SYNJ2: variants seen among roughly 807,000 people sequenced by gnomAD.
SYNJ2 encodes synaptojanin 2.
A neutral mutation model predicts 141.3 loss-of-function variants in SYNJ2; 116 were observed. The observed-to-expected ratio is 0.82, with a 90% CI of 0.71 to 0.96. The LOEUF is 0.96. Ranked by LOEUF, SYNJ2 falls within the 40% of genes least tolerant of loss-of-function variation. SYNJ2 has a pLI of 0.00. For synonymous variants in SYNJ2, 745 were observed against 777.7 expected, an observed-to-expected ratio of 0.96 and a Z score of 0.70; for missense variants, 1,873 against 1,934.8, an observed-to-expected ratio of 0.97 and a Z score of 0.60.
intron 5 of SYNJ2, among the ~76,000 whole-genome samples, chr6:158,051,624 G>A (rs189338086): frequency 4.7e-4 from 71 of 152,078 alleles, no homozygotes; most frequent in African/African-American, 1.7e-3. Flanking sequence ...GGACCAAAAG[G>A]GATTTGGGAC....
At chr6:158,020,010 G>C (rs945854269) in intron 2 of SYNJ2, among the ~76,000 whole-genome samples, 1 of 151,882 alleles carries the variant, frequency 6.6e-6, no homozygotes, top group Admixed American at 6.5e-5. Flanking sequence ...GCAGCACGGA[G>C]TGTAGCTACA....
Position 158,084,024 on chromosome 6 carries a change from G to A in SYNJ2, c.3058G>A (p.Asp1020Asn), listed in dbSNP as rs1197006449. The change falls in exon 22 of 27, where the codon GAC becomes AAC. Residue 1020 changes from aspartate to asparagine, a missense_variant. Physicochemically the swap from Asp to Asn is conservative, Grantham distance 23 (BLOSUM62 1). Coordinates refer to ENST00000355585, the MANE Select transcript of SYNJ2 (RefSeq NM_003898.4). This position sits in a 1 kb window ranked among gnomAD's most constrained non-coding sequence, Gnocchi z 5.0. ...SEGDILEDDE[D>N]YLVDEFNQPG... ...AGGGGATATTCTTGAAGACGATGAA[G>A]ACTACTTGGTGGATGAATTCAATCA... 2 of 1,614,138 alleles carry A rather than the reference G, an allele frequency of 1.2e-6. No individual in the cohort carries two copies.
intron 3 of SYNJ2, among the ~76,000 whole-genome samples, chr6:158,031,862 C>A (rs1470551884): frequency 1.3e-5 from 2 of 152,110 alleles, no homozygotes. Context: ...TAAGGGTTGT[C>A]CACTTGGCAA....
chr6:158,069,196 T>C (rs763522394), intron 13 of SYNJ2, among the ~76,000 whole-genome samples: 1 of 152,038 alleles, frequency 6.6e-6, no homozygotes, highest in Non-Finnish European at 1.5e-5. Context: ...TGATATGAAG[T>C]CAACTGGGCG....
rs533243031 is a variant in SYNJ2, at chr6:158,068,742, T to TGTGCGGGGCCAGGC, written c.1799+15_1799+28dup. 2.6e-4 allele frequency: 414 copies of TGTGCGGGGCCAGGC among 1,613,826 alleles called. 1 individual carries two copies. In the African/African-American group the frequency reaches 4.5e-3, roughly 17 times the overall value. ...TGTCAATGCCAGGTAAGGGGCCAGG[T>TGTGCGGGGCCAGGC]GTGCGGGGCCAGGCAGGGACTTCCT... On this transcript the variant is annotated intron_variant, in intron 13 of 26. Transcript: ENST00000355585.
Position 158,071,498 on chromosome 6 carries a change from C to G in SYNJ2, c.1941-104C>G. 3 of 1,347,498 alleles carry G rather than the reference C, an allele frequency of 2.2e-6. No individual in the cohort carries two copies. The highest frequency in any genetic ancestry group is 3.0e-6 in the Non-Finnish European group (3 of 990,536). 83.5% of individuals were successfully genotyped at this position (1,347,498 alleles called of 1,614,324 possible). A position where few individuals can be genotyped will look rare whatever the true frequency, so the allele number is the denominator to read the frequency against. ...GTTGAGCTGATGATTTTGGAGCACTCAGAGCAGCAGGTCCCGAGCTGCTGC... is the reference window on the plus strand; with the variant it reads ...GTTGAGCTGATGATTTTGGAGCACTGAGAGCAGCAGGTCCCGAGCTGCTGC... On this transcript the variant is annotated intron_variant, in intron 14 of 26. Coordinates refer to ENST00000355585, the MANE Select transcript of SYNJ2 (RefSeq NM_003898.4). This position sits in a 1 kb window ranked among gnomAD's most constrained non-coding sequence, Gnocchi z 4.3.
intron 24 of SYNJ2, 93 bp downstream of exon 24, chr6:158,088,865 C>G: frequency 3.4e-6 from 3 of 882,596 alleles, no homozygotes; most frequent in Middle Eastern, 4.8e-4. Context: ...ATTTATGTGT[C>G]TTTAACCCTC....
At chr6:158,000,064 CTTTTT>C (rs58284240) in intron 1 of SYNJ2, among the ~76,000 whole-genome samples, 3 of 85,570 alleles carry the variant, frequency 3.5e-5, no homozygotes, top group Non-Finnish European at 4.9e-5. Context: ...AGCCAAAAGG[CTTTTT>C]TTTTTTTTTT....
intron 16 of SYNJ2, among the ~76,000 whole-genome samples, chr6:158,075,536 G>A (rs1442953376): frequency 2.0e-5 from 3 of 151,854 alleles, no homozygotes; most frequent in Non-Finnish European, 2.9e-5. Context: ...AGCTACTCAG[G>A]AGACTGAGGC....
Position 158,070,487 on chromosome 6 carries a change from T to C in SYNJ2, c.1940+814T>C, listed in dbSNP as rs1222367056. On this transcript the variant is annotated intron_variant, in intron 14 of 26. Coordinates refer to ENST00000355585, the MANE Select transcript of SYNJ2 (RefSeq NM_003898.4). The surrounding 1 kb of genome is among the most constrained non-coding windows in gnomAD (Gnocchi z 4.0). The stretch of plus-strand genomic sequence containing the variant: ...GTGTTATTTGGGCAGCTTGGCAGTG[T>C]CCTAGGTTAGCAGGTGAAGGTTAGT... 1.2e-5 allele frequency: 12 copies of C among 985,470 alleles called. No individual in the cohort carries two copies. Among genetic ancestry groups the C allele is most frequent in the Non-Finnish European group, 1.2e-5 (10 of 830,038 alleles). 61.0% of individuals were successfully genotyped at this position (985,470 alleles called of 1,614,324 possible). A position where few individuals can be genotyped will look rare whatever the true frequency, so the allele number is the denominator to read the frequency against.
chr6:158,051,533 G>T (rs1332845244), intron 5 of SYNJ2, among the ~76,000 whole-genome samples: 1 of 152,078 alleles, frequency 6.6e-6, no homozygotes, highest in African/African-American at 2.4e-5. Flanking sequence ...GGTTTGGGGT[G>T]AGCCTTTCTT....
At position 158,047,774 on chromosome 6, in the gene SYNJ2, C is replaced by CAAAAAAAAAA; in HGVS notation, c.795+4397_795+4406dup. Among the ~76,000 whole-genome samples, 185 of 32,382 alleles carry CAAAAAAAAAA rather than the reference C, an allele frequency of 5.7e-3. 14 individuals carry two copies. The highest frequency in any genetic ancestry group is 0.042 in the Middle Eastern group (1 of 24). The allele number at this position is 32,382 out of a possible 152,430, so 21.2% of individuals were successfully genotyped here. ...CCTGGTCAACAGAGTGCGACTCTGT[C>CAAAAAAAAAA]AAAAAAAAAAAAAAAAAAAAAAAAA... On this transcript the variant is annotated intron_variant, in intron 5 of 26. Coordinates refer to ENST00000355585, the MANE Select transcript of SYNJ2 (RefSeq NM_003898.4).
At chr6:158,069,364 C>T (rs954195084) in intron 13 of SYNJ2, among the ~76,000 whole-genome samples, 169 bp from the exon 14 acceptor site, 1 of 152,262 alleles carries the variant, frequency 6.6e-6, no homozygotes, top group East Asian at 1.9e-4. Flanking sequence ...TAGCCAAAAA[C>T]ACGCAGATCC....
chr6:158,097,168 C>T lies in SYNJ2; in HGVS notation c.*804C>T, dbSNP rs563202336. 45 of 152,382 alleles carry T rather than the reference C, an allele frequency of 3.0e-4. No homozygotes were observed. The highest frequency in any genetic ancestry group is 1.0e-3 in the African/African-American group (42 of 41,580). 9.4% of individuals were successfully genotyped at this position (152,382 alleles called of 1,614,324 possible). On this transcript the variant is annotated 3_prime_UTR_variant, in exon 27 of 27. Coordinates refer to ENST00000355585, the MANE Select transcript of SYNJ2 (RefSeq NM_003898.4). ...GAAACCTCACGGATCCTTTGTTCCG[C>T]TTATATTCCATGCATACCACATAAA...
intron 4 of SYNJ2, among the ~76,000 whole-genome samples, chr6:158,034,008 A>G (rs920534262): frequency 1.3e-5 from 2 of 152,236 alleles, no homozygotes; most frequent in African/African-American, 4.8e-5. Flanking sequence ...AGATGAACAA[A>G]TAGGGTTTGA....
chr6:158,017,355 G>GAAGGGGC, intron 2 of SYNJ2, 65 bp downstream of exon 2: 1 of 1,538,410 alleles, frequency 6.5e-7, no homozygotes, highest in Non-Finnish European at 8.7e-7. Context: ...CTCTGTGTCG[G>GAAGGGGC]AAGGGGCCTC....
intron 5 of SYNJ2, among the ~76,000 whole-genome samples, chr6:158,050,351 G>A (rs76997892): frequency 0.017 from 2,621 of 152,296 alleles, 34 homozygotes; most frequent in Non-Finnish European, 0.027. Flanking sequence ...GAGGTCCAAC[G>A]ACCACACTTT....
chr6:158,003,360 G>T (rs930364600), intron 1 of SYNJ2, among the ~76,000 whole-genome samples: 1 of 152,198 alleles, frequency 6.6e-6, no homozygotes, highest in African/African-American at 2.4e-5. Flanking sequence ...TTAGCAACCA[G>T]CTGCAGCCTT....
At position 158,059,237 on chromosome 6, in the gene SYNJ2, C is replaced by T; in HGVS notation, c.858-20C>T. On this transcript the variant is annotated intron_variant, in intron 6 of 26. Transcript: ENST00000355585. ...CCTGTGCCCGTGCCCAGCATCACGC[C>T]CACCCCGCTGCCTTTGCAGGCACAT... 6.5e-7 allele frequency: 1 copy of T among 1,539,178 alleles called. No individual in the cohort carries two copies. Among genetic ancestry groups the T allele is most frequent in the Admixed American group, 2.0e-5 (1 of 50,524 alleles).
Sources: gnomAD v4.1 joint callset for allele counts (sites outside exome capture counted in the v4.1 genomes callset) on GRCh38, gnomAD v4.1.1 for gene constraint, Gnocchi (gnomAD v3.1) non-coding constraint, MANE v1.5 for transcripts, NCBI Gene and HGNC (gene_info 2026-07-23, HGNC 2026-07-21) for gene names.